TENM1: variants seen among roughly 807,000 people sequenced by gnomAD.
The protein encoded by TENM1 is teneurin transmembrane protein 1.
In TENM1, 35 loss-of-function variants were observed where a neutral mutation model predicts 174.8. The observed-to-expected ratio is 0.20, with a 90% confidence interval of 0.15 to 0.27. The LOEUF (loss-of-function observed/expected upper bound fraction) is 0.27. TENM1 is among the 10% of genes least tolerant of loss of function. TENM1 has a pLI of 1.00. For missense variants in TENM1, 1,633 were observed against 2,130.1 expected, an observed-to-expected ratio of 0.77 and a Z score of 4.59; for synonymous variants, 781 against 798.7, an observed-to-expected ratio of 0.98 and a Z score of 0.37.
At chrX:124,764,690 T>C (rs2054500595) in intron 3 of TENM1, among the ~76,000 whole-genome samples, 1 of 110,247 alleles carries the variant, frequency 9.1e-6, no homozygotes, top group Admixed American at 9.7e-5. Context: ...TGTTTTTTTT[T>C]TTTTTTTACA....
intron 11 of TENM1, among the ~76,000 whole-genome samples, chrX:124,603,785 A>C (rs2050086243): frequency 8.9e-6 from 1 of 112,052 alleles, no homozygotes; most frequent in Non-Finnish European, 1.9e-5. Flanking sequence ...AAGAAACAAA[A>C]GCTTTTCAAG....
chrX:125,135,288 C>T, the TENM1 span, among the ~76,000 whole-genome samples: 5 of 111,979 alleles, frequency 4.5e-5, no homozygotes, highest in South Asian at 3.7e-4. Context: ...GTGATTTTAG[C>T]TCCCTGGGGA....
At chrX:125,023,312 C>T in the TENM1 span, among the ~76,000 whole-genome samples, 1 of 111,416 alleles carries the variant, frequency 9.0e-6, no homozygotes, top group South Asian at 3.8e-4. Flanking sequence ...GTGAGACGTG[C>T]CTTTGCTTCT....
intron 3 of TENM1, among the ~76,000 whole-genome samples, chrX:124,865,429 T>C (rs770016785): frequency 2.9e-4 from 32 of 111,879 alleles, no homozygotes; most frequent in Non-Finnish European, 5.5e-4. Flanking sequence ...TTTATGCAAA[T>C]AGTGTTGATT....
intron 14 of TENM1, among the ~76,000 whole-genome samples, chrX:124,552,283 AT>A (rs1385127605): frequency 1.8e-5 from 2 of 111,880 alleles, no homozygotes; most frequent in African/African-American, 6.5e-5. Flanking sequence ...ACTATAAATC[AT>A]TCATAACTCT....
At chrX:124,616,394 T>G (rs2050399392) in intron 11 of TENM1, among the ~76,000 whole-genome samples, 1 of 112,640 alleles carries the variant, frequency 8.9e-6, no homozygotes, top group African/African-American at 3.2e-5. Flanking sequence ...GTTGTCCTTG[T>G]AATACCTGCA....
chrX:124,538,422 G>A (rs2048250218), intron 15 of TENM1, among the ~76,000 whole-genome samples: 1 of 111,424 alleles, frequency 9.0e-6, no homozygotes, highest in South Asian at 3.8e-4. Flanking sequence ...TTCCAAACGT[G>A]AGCAGGTCAT....
chrX:124,719,323 C>A, intron 4 of TENM1, among the ~76,000 whole-genome samples: 1 of 110,495 alleles, frequency 9.1e-6, no homozygotes, highest in East Asian at 2.8e-4. Context: ...ATAATTGCCT[C>A]AAACATTTAC....
At chrX:125,123,709 G>A in the TENM1 span, among the ~76,000 whole-genome samples, 1 of 112,073 alleles carries the variant, frequency 8.9e-6, no homozygotes, top group Non-Finnish European at 1.9e-5. Flanking sequence ...TTAAATAATT[G>A]TAACTTATAA....
At chrX:124,650,463 C>CT (rs2051277263) in intron 8 of TENM1, among the ~76,000 whole-genome samples, 1 of 110,873 alleles carries the variant, frequency 9.0e-6, no homozygotes, top group South Asian at 3.8e-4. Flanking sequence ...AGTTTAGGTT[C>CT]TTTGGGGGAG....
intron 1 of TENM1, among the ~76,000 whole-genome samples, chrX:124,916,172 G>A (rs1278977450): frequency 9.0e-6 from 1 of 111,647 alleles, no homozygotes; most frequent in Non-Finnish European, 1.9e-5. Context: ...CTTGTGATCT[G>A]AAAAGCTCCT....
In TENM1 at chrX:124,539,340, T is replaced by C. The variant is rs767873288; in HGVS notation, c.2651+7534A>G. Among the ~76,000 whole-genome samples the C allele has an allele frequency of 9.0e-5, 10 of 111,503 alleles. No individual in the cohort carries two copies. In the South Asian group the frequency reaches 3.8e-3, roughly 42 times the overall value. On this transcript the variant is annotated intron_variant, in intron 15 of 31. Coordinates refer to ENST00000422452, the Ensembl canonical transcript of TENM1. ...TGTCCCTGGGCCACTCTGTGTAAAA[T>C]GGTCCTTCTCTGTCCCTAACTTTTA...
At chrX:124,454,430 G>C (rs1314255022) in intron 22 of TENM1, among the ~76,000 whole-genome samples, 3 of 110,112 alleles carry the variant, frequency 2.7e-5, no homozygotes, top group East Asian at 2.9e-4. Flanking sequence ...TTTTGAGGGA[G>C]TTTTGCTCTT....
At chrX:125,011,852 A>T in the TENM1 span, among the ~76,000 whole-genome samples, 1 of 111,727 alleles carries the variant, frequency 9.0e-6, no homozygotes, top group African/African-American at 3.3e-5. Context: ...TACCCAAAAG[A>T]ATATAAATTA....
chrX:124,811,403 T>C (rs1270341304), intron 3 of TENM1, among the ~76,000 whole-genome samples: 1 of 111,491 alleles, frequency 9.0e-6, no homozygotes, highest in African/African-American at 3.3e-5. Flanking sequence ...CCAACAAGTA[T>C]ATAGCAAGAT....
At chrX:124,392,180 G>C in exon 28 of TENM1, 1 of 1,210,917 alleles carries the variant, frequency 8.3e-7, no homozygotes, top group Non-Finnish European at 1.1e-6. Context: ...AATCCCGAAG[G>C]TGAATATGTG....
chrX:125,059,024 C>G, the TENM1 span, among the ~76,000 whole-genome samples: 1 of 109,056 alleles, frequency 9.2e-6, no homozygotes, highest in Non-Finnish European at 1.9e-5. Context: ...AACTGTGCAC[C>G]CATTAGTAGT....
At chrX:124,848,691 G>A (rs2056659652) in intron 3 of TENM1, among the ~76,000 whole-genome samples, 1 of 110,274 alleles carries the variant, frequency 9.1e-6, no homozygotes, top group African/African-American at 3.3e-5. Context: ...GCTCATAAAA[G>A]TAAAAAATGG....
intron 4 of TENM1, among the ~76,000 whole-genome samples, chrX:124,726,075 G>T (rs2053436698): frequency 8.9e-6 from 1 of 111,918 alleles, no homozygotes; most frequent in Non-Finnish European, 1.9e-5. Context: ...TTTAATTTTT[G>T]TTTGCTATAC....
Sources: gnomAD v4.1 joint callset for allele counts (sites outside exome capture counted in the v4.1 genomes callset) on GRCh38, gnomAD v4.1.1 for gene constraint, MANE v1.5 for transcripts, NCBI Gene and HGNC (gene_info 2026-07-23, HGNC 2026-07-21) for gene names.